The following RXRA variants were observed in gnomAD, a reference collection of about 807,000 sequenced individuals.
RXRA encodes the protein retinoic acid receptor RXR-alpha.
RXRA carries 5 observed loss-of-function variants against 44.5 expected under a neutral mutation model. That is an observed-to-expected ratio of 0.11 (90% CI 0.06 to 0.24). The LOEUF is 0.24. RXRA is among the 10% of genes least tolerant of loss of function. The probability of loss-of-function intolerance (pLI) is 1.00; values close to 1 mark genes in which losing one functional copy is unlikely to be tolerated. For missense variants in RXRA, 412 were observed against 646.5 expected (o/e 0.64, Z 3.93); for synonymous variants, 291 against 271.4 (o/e 1.07, Z -0.71).
intron 1 of RXRA, among the ~76,000 whole-genome samples, chr9:134,331,777 C>T (rs1367032402): frequency 7.6e-6 from 1 of 131,544 alleles, no homozygotes; most frequent in Non-Finnish European, 1.6e-5. Context: ...GTGGGGCCTG[C>T]TTTTTCTCCG....
intron 1 of RXRA, among the ~76,000 whole-genome samples, chr9:134,359,422 C>A (rs1358872671): frequency 6.6e-6 from 1 of 152,138 alleles, no homozygotes; most frequent in African/African-American, 2.4e-5. Flanking sequence ...TTCCCAGGCT[C>A]CATTCTGCCT....
chr9:134,410,165 T>C (rs35847545), intron 4 of RXRA, among the ~76,000 whole-genome samples: 1,768 of 152,294 alleles, frequency 0.012, 31 homozygotes, highest in African/African-American at 0.038. Flanking sequence ...TCCTGGAGGG[T>C]GTCCTCCTTG....
At chr9:134,394,849 G>C (rs1364472651) in intron 1 of RXRA, among the ~76,000 whole-genome samples, 1 of 152,194 alleles carries the variant, frequency 6.6e-6, no homozygotes, top group Non-Finnish European at 1.5e-5. Flanking sequence ...GGCAATGTCA[G>C]GGGGCCCCAT....
At chr9:134,385,211 G>T (rs1469740494) in intron 1 of RXRA, among the ~76,000 whole-genome samples, 1 of 152,194 alleles carries the variant, frequency 6.6e-6, no homozygotes, top group East Asian at 1.9e-4. Flanking sequence ...CCAGGGGCTG[G>T]CAGGGCTGAA....
chr9:134,432,820 G>C (rs930058034), intron 8 of RXRA, among the ~76,000 whole-genome samples: 9 of 152,348 alleles, frequency 5.9e-5, no homozygotes, highest in Non-Finnish European at 1.0e-4. Context: ...GCACGGAGGT[G>C]GGGTGGGCTG....
chr9:134,369,461 A>G (rs1830464370), intron 1 of RXRA, among the ~76,000 whole-genome samples: 1 of 67,970 alleles, frequency 1.5e-5, no homozygotes, highest in African/African-American at 6.1e-5. Context: ...GGGGGTTGTG[A>G]GTGCGGGGGT....
intron 7 of RXRA, among the ~76,000 whole-genome samples, chr9:134,430,078 G>A (rs1334165796): frequency 6.6e-6 from 1 of 152,168 alleles, no homozygotes; most frequent in East Asian, 1.9e-4. Flanking sequence ...AGTAGAGACG[G>A]GGTTTCACCG....
chr9:134,387,431 G>A (rs553974012), intron 1 of RXRA, among the ~76,000 whole-genome samples: 2 of 152,252 alleles, frequency 1.3e-5, no homozygotes, highest in Non-Finnish European at 1.5e-5. Flanking sequence ...AAACCAGATC[G>A]GTCTGGCCAG....
intron 1 of RXRA, among the ~76,000 whole-genome samples, chr9:134,367,047 C>T (rs1011661261): frequency 6.6e-6 from 1 of 152,138 alleles, no homozygotes; most frequent in Non-Finnish European, 1.5e-5. Context: ...ATACGGGTCA[C>T]CTCCCGTAAC....
intron 1 of RXRA, among the ~76,000 whole-genome samples, chr9:134,337,473 T>C (rs1554747486): frequency 1.3e-5 from 2 of 152,188 alleles, no homozygotes; most frequent in African/African-American, 2.4e-5. Flanking sequence ...GATATGACCT[T>C]GGACCAGATG....
chr9:134,383,411 C>T (rs1237322705), intron 1 of RXRA, among the ~76,000 whole-genome samples: 2 of 152,152 alleles, frequency 1.3e-5, no homozygotes, highest in Admixed American at 6.5e-5. Context: ...GTGAGGGGCC[C>T]TGCAGTCTTG....
At chr9:134,371,269 AC>A (rs914473815) in intron 1 of RXRA, among the ~76,000 whole-genome samples, 1 of 148,354 alleles carries the variant, frequency 6.7e-6, no homozygotes, top group Non-Finnish European at 1.5e-5. Flanking sequence ...AAGTCCCTTG[AC>A]CCCCCCAGGC....
At chr9:134,434,423 A>G (rs1831582214) in intron 9 of RXRA, among the ~76,000 whole-genome samples, 1 of 152,116 alleles carries the variant, frequency 6.6e-6, no homozygotes, top group Non-Finnish European at 1.5e-5. Context: ...CACTGGAAGG[A>G]TTACCTTGCA....
chr9:134,426,509 CAG>C lies in RXRA; in HGVS notation c.911-2591_911-2590del. On this transcript the variant is annotated intron_variant, in intron 6 of 9. Coordinates refer to ENST00000481739, the MANE Select transcript of RXRA (RefSeq NM_002957.6). The surrounding 1 kb of genome is among the most constrained non-coding windows in gnomAD (Gnocchi z 4.6). ...GATGCAGCCGGCGTGCCGGAGGGTG[CAG>C]AGAGAGACTCCGCACTGTTCTGTCC... The C allele has an allele frequency of 2.0e-6, 2 of 985,450 alleles. No individual in the cohort carries two copies. The highest frequency in any genetic ancestry group is 2.4e-6 in the Non-Finnish European group (2 of 829,930). 61.0% of individuals were successfully genotyped at this position (985,450 alleles called of 1,614,324 possible).
At chr9:134,436,355 C>T in intron 9 of RXRA, 112 bp from the exon 10 acceptor site, 3 of 1,074,844 alleles carry the variant, frequency 2.8e-6, no homozygotes, top group Middle Eastern at 2.1e-4. Context: ...TACAGACCAG[C>T]CTCAGAGGGG....
chr9:134,430,093 A>C (rs1831507412), intron 7 of RXRA, among the ~76,000 whole-genome samples: 1 of 152,092 alleles, frequency 6.6e-6, no homozygotes, highest in Non-Finnish European at 1.5e-5. Context: ...TCACCGTGTT[A>C]GCCAGGATGG....
intron 6 of RXRA, chr9:134,425,813 TG>T (rs1255007532): frequency 6.1e-6 from 6 of 985,158 alleles, no homozygotes; most frequent in Non-Finnish European, 7.2e-6. Flanking sequence ...GCCGTGACTC[TG>T]GGGGGGCCCT....
chr9:134,434,053 C>T lies in RXRA; in HGVS notation c.1136-49C>T, dbSNP rs35272031. On this transcript the variant is annotated intron_variant, in intron 8 of 9. Transcript: ENST00000481739. ...AGCCTGGGTCCTGGGGGCAGGTGCC[C>T]GAGACACGCCCCAGCTGAGGGTTCT... 7,073 of 1,465,246 alleles carry T rather than the reference C, an allele frequency of 4.8e-3. 195 individuals are homozygous for T. The African/African-American group carries it at 0.067, about 14-fold the overall frequency. The allele number at this position is 1,465,246 out of a possible 1,614,324, so 90.8% of individuals were successfully genotyped here.
At chr9:134,429,274 C>T (rs753053862) in intron 7 of RXRA, 34 bp downstream of exon 7, 35 of 1,598,864 alleles carry the variant, frequency 2.2e-5, no homozygotes, top group Admixed American at 5.1e-5. Context: ...GAGGGCGCTT[C>T]GGTCACCTCC....
Sources: allele counts gnomAD v4.1 joint callset (sites outside exome capture counted in the v4.1 genomes callset), GRCh38; gene constraint gnomAD v4.1.1; non-coding constraint Gnocchi (gnomAD v3.1); transcripts MANE v1.5; gene names NCBI Gene and HGNC (gene_info 2026-07-23, HGNC 2026-07-21).